The following TMTC1 variants were observed in gnomAD, a reference collection of about 807,000 sequenced individuals.
The protein encoded by TMTC1 is transmembrane O-mannosyltransferase targeting cadherins 1, also known as protein O-mannosyl-transferase TMTC1.
Under a neutral mutation model 104.8 loss-of-function variants are expected in TMTC1, and 73 were observed. The ratio of observed to expected loss-of-function variants is 0.70; its 90% confidence interval spans 0.58 to 0.85. The LOEUF (loss-of-function observed/expected upper bound fraction) is 0.85, where lower values mean the gene tolerates loss of function less well. TMTC1 is among the 40% of genes least tolerant of loss of function. The probability of loss-of-function intolerance (pLI) is 0.00; values close to 1 mark genes in which losing one functional copy is unlikely to be tolerated. For synonymous variants in TMTC1, 434 were observed against 428.7 expected (o/e 1.01, Z -0.15); for missense variants, 1,035 against 1,096.1 (o/e 0.94, Z 0.79).
intron 5 of TMTC1, among the ~76,000 whole-genome samples, chr12:29,741,033 AGAGT>A (rs1462170935): frequency 3.9e-5 from 6 of 152,240 alleles, no homozygotes; most frequent in African/African-American, 9.6e-5. Context: ...ATTTGTATAT[AGAGT>A]AAGTTTTTAA....
chr12:29,662,249 C>T (rs11050342), intron 5 of TMTC1, among the ~76,000 whole-genome samples: 1 of 152,222 alleles, frequency 6.6e-6, no homozygotes, highest in African/African-American at 2.4e-5. Context: ...GCATTAAAAT[C>T]TGCATGAGGT....
At chr12:29,763,271 T>C (rs972874281) in intron 2 of TMTC1, among the ~76,000 whole-genome samples, 4 of 152,224 alleles carry the variant, frequency 2.6e-5, no homozygotes, top group African/African-American at 9.6e-5. Context: ...CGTGTAACAC[T>C]GATAGGCTCT....
At chr12:29,619,962 G>A (rs1429997124) in intron 6 of TMTC1, among the ~76,000 whole-genome samples, 2 of 152,170 alleles carry the variant, frequency 1.3e-5, no homozygotes, top group Non-Finnish European at 2.9e-5. Flanking sequence ...GGGGAGGAGA[G>A]CATTAACTTT....
chr12:29,671,188 T>C (rs11050356), intron 5 of TMTC1, among the ~76,000 whole-genome samples: 50,411 of 149,676 alleles, frequency 0.34, 9,627 homozygotes, highest in African/African-American at 0.52. Context: ...CCCAGCTACT[T>C]AGGAGGCTGA....
intron 5 of TMTC1, among the ~76,000 whole-genome samples, chr12:29,680,967 C>T (rs756759365): frequency 5.3e-5 from 8 of 151,890 alleles, no homozygotes; most frequent in South Asian, 2.1e-4. Flanking sequence ...GGCATGGTGG[C>T]ACATGCCTGT....
intron 1 of TMTC1, 85 bp from the exon 2 acceptor site, chr12:29,768,160 T>A: frequency 1.0e-6 from 1 of 994,964 alleles, no homozygotes; most frequent in Non-Finnish European, 1.4e-6. Flanking sequence ...ATCCATCATT[T>A]AAAAAGATAA....
At position 29,504,813 on chromosome 12, in the gene TMTC1, T is replaced by C. The variant is rs1943663972; in HGVS notation, c.*2033A>G. 6.6e-6 allele frequency: 1 copy of C among 152,234 alleles called. No homozygotes were observed. 9.4% of individuals were successfully genotyped at this position (152,234 alleles called of 1,614,324 possible). A position where few individuals can be genotyped will look rare whatever the true frequency, so the allele number is the denominator to read the frequency against. On this transcript the variant is annotated 3_prime_UTR_variant, in exon 18 of 18. Coordinates refer to ENST00000539277, the MANE Select transcript of TMTC1 (RefSeq NM_001193451.2). Reference sequence around the variant, plus strand: ...GGGCTCAGTCTTTTCCATTAAATTTTTAAGCATGAGTTTTCATTACAGATT... The same window carrying C: ...GGGCTCAGTCTTTTCCATTAAATTTCTAAGCATGAGTTTTCATTACAGATT...
intron 11 of TMTC1, among the ~76,000 whole-genome samples, chr12:29,522,929 C>G (rs758265181): frequency 2.0e-5 from 3 of 152,162 alleles, no homozygotes; most frequent in Non-Finnish European, 4.4e-5. Context: ...ATGGTCAGCA[C>G]GTTGGTTTAT....
intron 3 of TMTC1, among the ~76,000 whole-genome samples, chr12:29,758,205 G>C (rs1943261459): frequency 6.6e-6 from 1 of 152,122 alleles, no homozygotes; most frequent in African/African-American, 2.4e-5. Context: ...AAAAACTTCT[G>C]TCTTTTGATG....
chr12:29,566,508 T>C (rs2136285878), intron 9 of TMTC1, among the ~76,000 whole-genome samples: 1 of 152,264 alleles, frequency 6.6e-6, no homozygotes, highest in Non-Finnish European at 1.5e-5. Flanking sequence ...TCCACCCATC[T>C]CGACCTCCAC....
chr12:29,643,691 T>TAATATATAACATATATTATATAATATAAA, intron 5 of TMTC1, among the ~76,000 whole-genome samples: 35 of 2,210 alleles, frequency 0.016, 1 homozygote, highest in African/African-American at 0.056. Flanking sequence ...ATTATATATA[T>TAATATATAACATATATTATATAATATAAA]TATATATATT....
chr12:29,646,904 T>A (rs1034377192), intron 5 of TMTC1, among the ~76,000 whole-genome samples: 2 of 152,134 alleles, frequency 1.3e-5, no homozygotes, highest in African/African-American at 4.8e-5. Flanking sequence ...CAATCAGAAT[T>A]TCTGTCAGAT....
chr12:29,725,174 T>C lies in TMTC1; in HGVS notation c.938+26492A>G, dbSNP rs142744747. 7.9e-3 allele frequency among the ~76,000 whole-genome samples: 1,182 copies of C among 149,996 alleles called. 11 individuals are homozygous for C. Among genetic ancestry groups the C allele is most frequent in the African/African-American group, 0.028 (1,125 of 40,368 alleles). On this transcript the variant is annotated intron_variant, in intron 5 of 17. Coordinates refer to ENST00000539277, the MANE Select transcript of TMTC1 (RefSeq NM_001193451.2). The stretch of plus-strand genomic sequence containing the variant: ...CTGGAATTACAGGCACCTGCCACCA[T>C]GTCTGGCTAATTTTTGTTTTGTTTT...
chr12:29,723,227 T>C (rs1942288429), intron 5 of TMTC1, among the ~76,000 whole-genome samples: 1 of 152,122 alleles, frequency 6.6e-6, no homozygotes, highest in African/African-American at 2.4e-5. Context: ...TTAATGTCAA[T>C]TCTCCCAACA....
At chr12:29,738,808 A>G (rs902915990) in intron 5 of TMTC1, among the ~76,000 whole-genome samples, 1 of 152,216 alleles carries the variant, frequency 6.6e-6, no homozygotes, top group Non-Finnish European at 1.5e-5. Flanking sequence ...ATTAACATGT[A>G]TGGATACATG....
At chr12:29,732,277 T>C (rs1014565769) in intron 5 of TMTC1, among the ~76,000 whole-genome samples, 6 of 152,200 alleles carry the variant, frequency 3.9e-5, no homozygotes, top group African/African-American at 1.4e-4. Flanking sequence ...AGGAAGAAGT[T>C]ACTGAGTGAG....
intron 5 of TMTC1, among the ~76,000 whole-genome samples, chr12:29,685,334 T>C (rs904056015): frequency 6.6e-6 from 1 of 151,568 alleles, no homozygotes; most frequent in African/African-American, 2.4e-5. Context: ...TGGAATGGCA[T>C]ACTATCCTTT....
rs142613320 is a variant in TMTC1 at position 29,689,192 on chromosome 12, C to A, written c.939-55856G>T. 1.3e-3 allele frequency among the ~76,000 whole-genome samples: 196 copies of A among 152,208 alleles called. 2 individuals are homozygous for A. The highest frequency in any genetic ancestry group is 2.5e-3 in the Admixed American group (38 of 15,282). On this transcript the variant is annotated intron_variant, in intron 5 of 17. Transcript: ENST00000539277. ...CAACTTTGTAGAGCCATCATACCAA[C>A]CTCAGAGTGTGTACCACCCGAATTC... is the stretch of plus-strand genomic sequence containing the variant.
At chr12:29,529,307 A>G (rs1944434074) in intron 11 of TMTC1, among the ~76,000 whole-genome samples, 1 of 152,164 alleles carries the variant, frequency 6.6e-6, no homozygotes, top group South Asian at 2.1e-4. Flanking sequence ...CCTACTGTAT[A>G]GAGGTGTAGA....
Sources: gnomAD v4.1 joint callset for allele counts (sites outside exome capture counted in the v4.1 genomes callset) on GRCh38, gnomAD v4.1.1 for gene constraint, MANE v1.5 for transcripts, NCBI Gene and HGNC (gene_info 2026-07-23, HGNC 2026-07-21) for gene names.